The following CFAP47 variants were observed in gnomAD, a reference collection of about 807,000 sequenced individuals.
CFAP47 encodes the protein cilia- and flagella-associated protein 47.
Under a neutral mutation model 148.1 loss-of-function variants are expected in CFAP47, and 29 were observed. The observed-to-expected ratio is 0.20, with a 90% CI of 0.15 to 0.27. The LOEUF (loss-of-function observed/expected upper bound fraction) is 0.27, where lower values mean the gene tolerates loss of function less well. CFAP47 is among the 10% of genes least tolerant of loss of function. The pLI is 1.00. For missense variants in CFAP47, 1,872 were observed against 1,697.5 expected, an observed-to-expected ratio of 1.10 and a Z score of -1.81; for synonymous variants, 664 against 577.3, an observed-to-expected ratio of 1.15 and a Z score of -2.15.
chrX:35,984,095 CT>C (rs772799999), intron 15 of CFAP47, among the ~76,000 whole-genome samples: 109 of 111,057 alleles, frequency 9.8e-4, no homozygotes, highest in African/African-American at 3.4e-3. Context: ...TGGTTCTGGG[CT>C]TTTTCTGGTT....
chrX:36,172,347 A>T (rs1463932891), intron 39 of CFAP47, among the ~76,000 whole-genome samples: 13 of 106,679 alleles, frequency 1.2e-4, no homozygotes, highest in East Asian at 5.8e-4. Flanking sequence ...TGAATAGGAG[A>T]GGTGAGAGAG....
chrX:36,241,883 A>T (rs1266096930), intron 48 of CFAP47, among the ~76,000 whole-genome samples: 1 of 112,042 alleles, frequency 8.9e-6, no homozygotes, highest in Non-Finnish European at 1.9e-5. Flanking sequence ...GTGCAGTGCC[A>T]GTAATCAAAT....
chrX:36,208,771 G>A (rs143548386), intron 45 of CFAP47, among the ~76,000 whole-genome samples: 1,550 of 111,092 alleles, frequency 0.014, 15 homozygotes, highest in Non-Finnish European at 0.022. Context: ...TTTGAGACCA[G>A]TGTGGCCAAC....
chrX:36,292,414 A>C (rs782700181), intron 51 of CFAP47, among the ~76,000 whole-genome samples: 1 of 111,923 alleles, frequency 8.9e-6, no homozygotes, highest in Non-Finnish European at 1.9e-5. Context: ...TTGTTTACTG[A>C]CTTGATAATG....
At chrX:36,152,557 A>G (rs751849307) in intron 37 of CFAP47, among the ~76,000 whole-genome samples, 11 of 111,389 alleles carry the variant, frequency 9.9e-5, no homozygotes, top group Non-Finnish European at 1.7e-4. Flanking sequence ...TCTGTAGAGC[A>G]GTTTACTGGG....
intron 10 of CFAP47, among the ~76,000 whole-genome samples, chrX:35,969,929 ATACTTT>A (rs1372092170): frequency 9.0e-6 from 1 of 110,647 alleles, no homozygotes; most frequent in East Asian, 2.8e-4. Context: ...TTTTTTCATT[ATACTTT>A]AAGTTCTAGG....
intron 2 of CFAP47, among the ~76,000 whole-genome samples, chrX:35,936,729 A>G (rs1291787323): frequency 1.8e-5 from 2 of 110,708 alleles, no homozygotes; most frequent in African/African-American, 6.6e-5. Context: ...ATGACAATTT[A>G]GTTTTCAGTA....
chrX:36,278,706 C>T (rs1941045155), intron 49 of CFAP47, among the ~76,000 whole-genome samples: 1 of 112,334 alleles, frequency 8.9e-6, no homozygotes, highest in African/African-American at 3.2e-5. Context: ...CGGAGCTGTT[C>T]CTATTTGGCC....
intron 21 of CFAP47, among the ~76,000 whole-genome samples, chrX:36,004,732 C>T (rs1936961006): frequency 9.1e-6 from 1 of 109,459 alleles, no homozygotes; most frequent in Non-Finnish European, 1.9e-5. Flanking sequence ...TCAGTGGTTA[C>T]CTGGAGTTAG....
chrX:36,038,217 T>C (rs1025524766), intron 24 of CFAP47, among the ~76,000 whole-genome samples: 5 of 112,062 alleles, frequency 4.5e-5, no homozygotes, highest in Admixed American at 9.5e-5. Flanking sequence ...AAGATACCCT[T>C]GATGGCCCCA....
In CFAP47 at chrX:35,975,283, A is replaced by C; in HGVS notation, c.2391A>C (p.Gln797His). The change falls in exon 14 of 64, where the codon CAA becomes CAC. Residue 797 changes from glutamine to histidine, a missense_variant. Transcript: ENST00000378653. Reference protein sequence around the residue: ...TDLEELQKTNQFSYVILPTSS... With the variant: ...TDLEELQKTNHFSYVILPTSS... ...TAGAAGAACTTCAGAAGACCAACCAATTTTCATACGTGATTCTACCTACAT... is the reference window on the plus strand; with the variant it reads ...TAGAAGAACTTCAGAAGACCAACCACTTTTCATACGTGATTCTACCTACAT... The C allele has an allele frequency of 8.3e-7, 1 of 1,206,868 alleles. No individual in the cohort carries two copies. Among genetic ancestry groups the C allele is most frequent in the Non-Finnish European group, 1.1e-6 (1 of 891,806 alleles).
intron 39 of CFAP47, among the ~76,000 whole-genome samples, chrX:36,175,560 G>A (rs914976481): frequency 8.9e-6 from 1 of 111,859 alleles, no homozygotes; most frequent in African/African-American, 3.3e-5. Flanking sequence ...ACCCGGCCGT[G>A]TGAAGTGTCA....
At chrX:36,071,051 A>G (rs1399038590) in intron 27 of CFAP47, among the ~76,000 whole-genome samples, 1 of 112,328 alleles carries the variant, frequency 8.9e-6, no homozygotes, top group Non-Finnish European at 1.9e-5. Context: ...ATGGAGCTGT[A>G]ATATTGCTGG....
At position 36,272,390 on chromosome X, in the gene CFAP47, A is replaced by G. The variant is rs1285410579; in HGVS notation, c.7445-8097A>G. Among the ~76,000 whole-genome samples, 3 of 111,569 alleles carry G rather than the reference A, an allele frequency of 2.7e-5. No individual in the cohort carries two copies. In the East Asian group the frequency reaches 8.5e-4, roughly 31 times the overall value. ...GGCCAAAGAACAATAACATTTGATT[A>G]TTAAGAGAGTATTTTGAGTAAGTTA... On this transcript the variant is annotated intron_variant, in intron 49 of 63. Transcript: ENST00000378653.
At chrX:36,161,453 A>T (rs1264574315) in intron 39 of CFAP47, among the ~76,000 whole-genome samples, 2 of 111,939 alleles carry the variant, frequency 1.8e-5, no homozygotes, top group Non-Finnish European at 3.8e-5. Flanking sequence ...GAGCATCATA[A>T]CTAATTTATA....
At chrX:36,323,778 GT>G (rs200562514) in intron 57 of CFAP47, among the ~76,000 whole-genome samples, 19,621 of 110,615 alleles carry the variant, frequency 0.18, 1,336 homozygotes, top group South Asian at 0.3. Context: ...TTATAAAGTT[GT>G]TTAGTAAAAT....
intron 30 of CFAP47, among the ~76,000 whole-genome samples, chrX:36,087,456 A>C (rs758548739): frequency 8.9e-6 from 1 of 111,972 alleles, no homozygotes; most frequent in East Asian, 2.8e-4. Context: ...ACTCAATCTA[A>C]ATGGGAGAAT....
Position 35,989,662 on chromosome X carries a change from T to C in CFAP47, c.2844+213T>C, listed in dbSNP as rs151231324. ...TTATTTTATTAAGAGACACAAAAAG[T>C]ATTTTCAGAGAATATACTTGATGGA... On this transcript the variant is annotated intron_variant, in intron 16 of 63. Coordinates refer to ENST00000378653, the MANE Select transcript of CFAP47 (RefSeq NM_001304548.2). The C allele has an allele frequency of 4.4e-5, 40 of 909,118 alleles. No individual in the cohort carries two copies. The African/African-American group carries it at 7.7e-4, about 17-fold the overall frequency. 74.9% of individuals were successfully genotyped at this position (909,118 alleles called of 1,213,427 possible). A position where few individuals can be genotyped will look rare whatever the true frequency, so the allele number is the denominator to read the frequency against.
intron 56 of CFAP47, among the ~76,000 whole-genome samples, chrX:36,312,650 A>G (rs782644554): frequency 8.9e-6 from 1 of 112,018 alleles, no homozygotes; most frequent in East Asian, 2.8e-4. Context: ...TTTTAACATT[A>G]AAAATAAATT....
Sources: allele counts gnomAD v4.1 joint callset (sites outside exome capture counted in the v4.1 genomes callset), GRCh38; gene constraint gnomAD v4.1.1; transcripts MANE v1.5; gene names NCBI Gene and HGNC (gene_info 2026-07-23, HGNC 2026-07-21).